Variants in EPHX1 observed in about 807,000 individuals in gnomAD.
EPHX1 encodes the protein epoxide hydratase.
A neutral mutation model predicts 43.2 loss-of-function variants in EPHX1; 40 were observed. That is an observed-to-expected ratio of 0.93 (90% CI 0.72 to 1.21). EPHX1 has a LOEUF of 1.21. Ranked by LOEUF, EPHX1 falls within the 50% of genes most tolerant of loss-of-function variation. The pLI, the probability that EPHX1 is intolerant of heterozygous loss-of-function variation, is 0.00. For missense variants in EPHX1, 550 were observed against 570.4 expected, an observed-to-expected ratio of 0.96 and a Z score of 0.36; for synonymous variants, 221 against 226.7, an observed-to-expected ratio of 0.98 and a Z score of 0.22.
At chr1:225,822,754 T>C (rs551357408) in intron 1 of EPHX1, among the ~76,000 whole-genome samples, 1 of 152,290 alleles carries the variant, frequency 6.6e-6, no homozygotes, top group South Asian at 2.1e-4. Context: ...CAGGGACATA[T>C]CTTGCAAAAT....
chr1:225,836,773 T>C (rs573237690), intron 3 of EPHX1, among the ~76,000 whole-genome samples: 117 of 152,182 alleles, frequency 7.7e-4, no homozygotes, highest in Non-Finnish European at 1.4e-3. Flanking sequence ...AGGGTGGTTG[T>C]CAGGGGCTGG....
At chr1:225,835,348 A>G (rs1019935110) in intron 3 of EPHX1, among the ~76,000 whole-genome samples, 1 of 145,282 alleles carries the variant, frequency 6.9e-6, no homozygotes, top group Non-Finnish European at 1.5e-5. Flanking sequence ...CCTCTCAAGT[A>G]GCTGGGACCA....
intron 4 of EPHX1, 57 bp downstream of exon 4, chr1:225,838,938 T>C: frequency 6.4e-7 from 1 of 1,563,980 alleles, no homozygotes; most frequent in East Asian, 2.2e-5. Context: ...GTGGGCCCGG[T>C]GTTCCCACCA....
Position 225,831,839 on chromosome 1 carries a change from C to T in EPHX1, c.244C>T (p.His82Tyr). The change falls in exon 3 of 9, where the codon CAC (histidine) becomes TAC (tyrosine). Residue 82 changes from histidine to tyrosine, a missense_variant. Coordinates refer to ENST00000272167, the MANE Select transcript of EPHX1 (RefSeq NM_001136018.4). Reference sequence around the variant, plus strand: ...CCCACCTTTGGAGGACAGCTGCTTCCACTATGGCTTCAACTCCAACTACCT... The same window carrying T: ...CCCACCTTTGGAGGACAGCTGCTTCTACTATGGCTTCAACTCCAACTACCT... ...FTPPLEDSCF[H>Y]YGFNSNYLKK... The T allele has an allele frequency of 6.2e-7, 1 of 1,614,190 alleles. No homozygotes were observed. The highest frequency in any genetic ancestry group is 8.5e-7 in the Non-Finnish European group (1 of 1,180,038).
intron 1 of EPHX1, among the ~76,000 whole-genome samples, chr1:225,815,411 CTTTTTTTTTTTTT>C (rs5781415): frequency 2.6e-5 from 2 of 78,206 alleles, no homozygotes; most frequent in African/African-American, 5.4e-5. Flanking sequence ...AGCTAATTTT[CTTTTTTTTTTTTT>C]TTTTTTTTTG....
At chr1:225,836,759 G>T (rs45505093) in intron 3 of EPHX1, among the ~76,000 whole-genome samples, 7,604 of 152,302 alleles carry the variant, frequency 0.05, 222 homozygotes, top group African/African-American at 0.073. Context: ...AAGCAGAGAG[G>T]AGAAGGGTGG....
intron 7 of EPHX1, among the ~76,000 whole-genome samples, chr1:225,844,266 G>A (rs1218561631): frequency 1.3e-5 from 2 of 151,588 alleles, no homozygotes; most frequent in African/African-American, 4.9e-5. Context: ...AGGCAAGGTG[G>A]GTGGGGGGAG....
intron 1 of EPHX1, among the ~76,000 whole-genome samples, chr1:225,827,186 A>G (rs982636461): frequency 2.1e-4 from 32 of 152,160 alleles, no homozygotes; most frequent in Non-Finnish European, 2.8e-4. Flanking sequence ...CATGTAGCCA[A>G]TGGAGGACAT....
intron 7 of EPHX1, 90 bp downstream of exon 7, chr1:225,842,564 A>G: frequency 2.1e-6 from 2 of 939,590 alleles, no homozygotes; most frequent in Non-Finnish European, 3.5e-6. Flanking sequence ...GTTGCTCTGC[A>G]TGGGGCACTC....
At chr1:225,838,174 A>G (rs1172949804) in intron 3 of EPHX1, among the ~76,000 whole-genome samples, 1 of 152,270 alleles carries the variant, frequency 6.6e-6, no homozygotes, top group Non-Finnish European at 1.5e-5. Flanking sequence ...TTAAATAAAT[A>G]TACATCTACC....
chr1:225,831,687 G>A, intron 2 of EPHX1, 92 bp from the exon 3 acceptor site: 1 of 1,304,886 alleles, frequency 7.7e-7, no homozygotes, highest in Non-Finnish European at 1.1e-6. Flanking sequence ...TCTTGTGGCT[G>A]CAGGGTTTGC....
At chr1:225,842,684 T>C (rs528421874) in intron 7 of EPHX1, among the ~76,000 whole-genome samples, 1 of 152,350 alleles carries the variant, frequency 6.6e-6, no homozygotes, top group South Asian at 2.1e-4. Context: ...CAGTGCATGG[T>C]CAAGACTAGG....
intron 1 of EPHX1, among the ~76,000 whole-genome samples, chr1:225,811,570 T>C (rs1488413368): frequency 6.6e-6 from 1 of 152,216 alleles, no homozygotes; most frequent in African/African-American, 2.4e-5. Flanking sequence ...TCGGTACCAC[T>C]GTGCAGCCTC....
chr1:225,818,628 C>T (rs1337087891), intron 1 of EPHX1, among the ~76,000 whole-genome samples: 1 of 152,130 alleles, frequency 6.6e-6, no homozygotes, highest in Non-Finnish European at 1.5e-5. Flanking sequence ...CTAAAACTCT[C>T]ACTTAGCTTT....
intron 1 of EPHX1, among the ~76,000 whole-genome samples, chr1:225,826,979 C>T (rs1667277829): frequency 6.6e-6 from 1 of 152,106 alleles, no homozygotes; most frequent in East Asian, 1.9e-4. Context: ...GATTAGATTT[C>T]CTACAGAACT....
Position 225,842,424 on chromosome 1 carries a change from C to G in EPHX1, c.990C>G (p.Ser330=), listed in dbSNP as rs1348887458. The G allele has an allele frequency of 6.2e-7, 1 of 1,614,040 alleles. No homozygotes were observed. Among genetic ancestry groups the G allele is most frequent in the African/African-American group, 1.3e-5 (1 of 74,936 alleles). ...GLAAYILEKF[S]TWTNTEFRYL... is the part of the protein sequence containing the mutation. The stretch of plus-strand genomic sequence containing the variant: ...CTGCCTATATTCTAGAGAAGTTTTC[C>G]ACCTGGACCAATACGGAATTCCGAT... Residue 330 remains serine (S), a synonymous_variant, in exon 7 of 9, where the codon TCC becomes TCG. Coordinates refer to ENST00000272167, the MANE Select transcript of EPHX1 (RefSeq NM_001136018.4).
intron 1 of EPHX1, among the ~76,000 whole-genome samples, chr1:225,821,761 C>T (rs1166243520): frequency 1.3e-5 from 2 of 150,920 alleles, no homozygotes; most frequent in African/African-American, 4.9e-5. Flanking sequence ...TGGGGTTTTG[C>T]CATGTTGCCC....
intron 1 of EPHX1, 102 bp from the exon 2 acceptor site, chr1:225,828,623 T>C: frequency 9.3e-7 from 1 of 1,077,068 alleles, no homozygotes; most frequent in Non-Finnish European, 1.4e-6. Flanking sequence ...AGGGACAGGG[T>C]TGGAGCGCAG....
chr1:225,824,340 A>G (rs746015235), intron 1 of EPHX1, among the ~76,000 whole-genome samples: 18 of 152,172 alleles, frequency 1.2e-4, no homozygotes, highest in Non-Finnish European at 2.5e-4. Context: ...TTGGGGTGCA[A>G]CACACCCAGT....
Sources: allele counts gnomAD v4.1 joint callset (sites outside exome capture counted in the v4.1 genomes callset), GRCh38; gene constraint gnomAD v4.1.1; transcripts MANE v1.5; gene names NCBI Gene and HGNC (gene_info 2026-07-23, HGNC 2026-07-21).